Variants in RGS22 observed in about 807,000 individuals in gnomAD.
RGS22 encodes regulator of G-protein signaling 22.
RGS22 carries 148 observed loss-of-function variants against 172.9 expected under a neutral mutation model. The ratio of observed to expected loss-of-function variants is 0.86; its 90% CI spans 0.75 to 0.98. RGS22 has a LOEUF of 0.98. RGS22 is among the 50% of genes least tolerant of loss of function. The pLI, the probability that RGS22 is intolerant of heterozygous loss-of-function variation, is 0.00. For missense variants in RGS22, 1,347 were observed against 1,440.8 expected, an observed-to-expected ratio of 0.93 and a Z score of 1.05; for synonymous variants, 458 against 480.2, an observed-to-expected ratio of 0.95 and a Z score of 0.60.
chr8:99,961,085 GGA>G lies in RGS22; in HGVS notation c.*155_*156del, dbSNP rs1442103672. ...AATTTTCTTTATTTATTTCCCACCTGGAAAATCCAGAATCAAACTTTATTTAG... is the reference window on the plus strand; with the variant it reads ...AATTTTCTTTATTTATTTCCCACCTGAAATCCAGAATCAAACTTTATTTAG... On this transcript the variant is annotated 3_prime_UTR_variant, in exon 28 of 28. Transcript: ENST00000360863. The G allele has an allele frequency of 2.6e-6, 1 of 388,206 alleles. No homozygotes were observed. Among genetic ancestry groups the G allele is most frequent in the Non-Finnish European group, 5.0e-6 (1 of 199,270 alleles). 24.0% of individuals were successfully genotyped at this position (388,206 alleles called of 1,614,324 possible). A position where few individuals can be genotyped will look rare whatever the true frequency, so the allele number is the denominator to read the frequency against.
Position 100,051,519 on chromosome 8 carries a change from T to A in RGS22, c.1689+1283A>T, listed in dbSNP as rs1202847041. 5.7e-5 allele frequency among the ~76,000 whole-genome samples: 6 copies of A among 105,760 alleles called. 1 individual carries two copies. The highest frequency in any genetic ancestry group is 4.9e-4 in the East Asian group (2 of 4,080). 69.4% of individuals were successfully genotyped at this position (105,760 alleles called of 152,430 possible). On this transcript the variant is annotated intron_variant, in intron 10 of 27. Coordinates refer to ENST00000360863, the MANE Select transcript of RGS22 (RefSeq NM_015668.5). Reference sequence around the variant, plus strand: ...ATATAATAAATATATATAAATATATTTTTATATATTTATACATATATATTT... The same window carrying A: ...ATATAATAAATATATATAAATATATATTTATATATTTATACATATATATTT...
chr8:100,075,491 TA>T (rs1417870708), intron 4 of RGS22, among the ~76,000 whole-genome samples: 3 of 152,202 alleles, frequency 2.0e-5, no homozygotes, highest in Non-Finnish European at 2.9e-5. Flanking sequence ...ATAAGCCAAA[TA>T]AACCTCTTTC....
At chr8:99,962,184 A>T (rs1283731326) in intron 27 of RGS22, among the ~76,000 whole-genome samples, 1 of 152,178 alleles carries the variant, frequency 6.6e-6, no homozygotes, top group Non-Finnish European at 1.5e-5. Flanking sequence ...ACAAGGAGTA[A>T]ATAAAAGCAA....
At chr8:100,095,201 T>G (rs1812870974) in intron 2 of RGS22, among the ~76,000 whole-genome samples, 1 of 152,194 alleles carries the variant, frequency 6.6e-6, no homozygotes, top group Admixed American at 6.5e-5. Flanking sequence ...GTTTTTGTTT[T>G]GAGACAAGGT....
chr8:100,067,912 C>A (rs185701320), intron 6 of RGS22, among the ~76,000 whole-genome samples: 1 of 151,948 alleles, frequency 6.6e-6, no homozygotes, highest in Non-Finnish European at 1.5e-5. Flanking sequence ...CGTGAGCCAC[C>A]GCGCCCGGCC....
intron 19 of RGS22, among the ~76,000 whole-genome samples, chr8:99,997,286 A>C (rs1814498215): frequency 6.6e-6 from 1 of 152,062 alleles, no homozygotes; most frequent in South Asian, 2.1e-4. Flanking sequence ...ATGCTAAGTC[A>C]AGAAATGACT....
chr8:100,042,014 A>C, intron 11 of RGS22, 98 bp from the exon 12 acceptor site: 132 of 660,826 alleles, frequency 2.0e-4, no homozygotes, highest in Middle Eastern at 8.1e-4. Context: ...ACCGAATCTC[A>C]AGAGTACTTC....
At chr8:100,052,469 T>A (rs1037597998) in intron 10 of RGS22, among the ~76,000 whole-genome samples, 3 of 151,462 alleles carry the variant, frequency 2.0e-5, no homozygotes, top group Admixed American at 1.3e-4. Context: ...GCCCTGCTAA[T>A]TTTTTGTATT....
intron 9 of RGS22, among the ~76,000 whole-genome samples, chr8:100,058,171 C>CA (rs71512460): frequency 0.037 from 2,072 of 56,010 alleles, 25 homozygotes; most frequent in African/African-American, 0.057. Context: ...ACAGAGGAGA[C>CA]AAAAAAAAAA....
intron 10 of RGS22, 56 bp downstream of exon 10, chr8:100,052,746 G>T: frequency 6.9e-7 from 1 of 1,456,256 alleles, no homozygotes; most frequent in South Asian, 1.2e-5. Flanking sequence ...AAACACTCAA[G>T]CATACATATT....
Position 99,987,532 on chromosome 8 carries a change from GA to G in RGS22, c.3105del (p.Gln1036AsnfsTer6). The G allele has an allele frequency of 6.2e-7, 1 of 1,611,700 alleles. No individual in the cohort carries two copies. Among genetic ancestry groups the G allele is most frequent in the Non-Finnish European group, 8.5e-7 (1 of 1,178,798 alleles). On this transcript the variant is annotated frameshift_variant, in exon 21 of 28. Transcript: ENST00000360863. LOFTEE classifies it high-confidence loss of function. ...TCTCCTTTTAGAGCCACAAAACGTT[GA>G]AATTGTCTTGAAGTAACTGGATTCA... ...ALLNPVTSRQ[F>X]QRFVALKGDL...
chr8:100,059,886 T>TA (rs1809970294), intron 9 of RGS22, among the ~76,000 whole-genome samples: 1 of 152,150 alleles, frequency 6.6e-6, no homozygotes, highest in Non-Finnish European at 1.5e-5. Flanking sequence ...TTCTTTATTT[T>TA]AAAAAAATGG....
chr8:99,971,423 G>C lies in RGS22; in HGVS notation c.3520-5993C>G, dbSNP rs190771833. On this transcript the variant is annotated intron_variant, in intron 23 of 27. Coordinates refer to ENST00000360863, the MANE Select transcript of RGS22 (RefSeq NM_015668.5). ...AATAAAGGGTATTCAAATAGGAAGA[G>C]AGGAAGTCAAATTGTCTCTGTTTGC... 2.5e-4 allele frequency among the ~76,000 whole-genome samples: 38 copies of C among 152,298 alleles called. No individual in the cohort carries two copies. The East Asian group carries it at 6.2e-3, about 25-fold the overall frequency.
intron 14 of RGS22, among the ~76,000 whole-genome samples, chr8:100,016,595 G>A (rs1816983541): frequency 6.6e-6 from 1 of 151,986 alleles, no homozygotes. Flanking sequence ...GGCTAACATG[G>A]TGAAACCCTG....
chr8:99,966,049 T>C (rs1810695491), intron 23 of RGS22, among the ~76,000 whole-genome samples: 1 of 152,246 alleles, frequency 6.6e-6, no homozygotes, highest in Admixed American at 6.5e-5. Flanking sequence ...AAAGGTTTGC[T>C]GAATGATAAA....
At position 99,994,066 on chromosome 8, in the gene RGS22, C is replaced by G. The variant is rs180989611; in HGVS notation, c.3018+2396G>C. On this transcript the variant is annotated intron_variant, in intron 20 of 27. Coordinates refer to ENST00000360863, the MANE Select transcript of RGS22 (RefSeq NM_015668.5). ...AAAGGCCTTCAACAAATTCAGCAAC[C>G]CTTCATGCTAAAAACTCTCAATAAA... is the stretch of plus-strand genomic sequence containing the variant. Among the ~76,000 whole-genome samples, 150 of 152,202 alleles carry G rather than the reference C, an allele frequency of 9.9e-4. 1 individual carries two copies. The highest frequency in any genetic ancestry group is 1.9e-4 in the Non-Finnish European group (13 of 68,010).
intron 14 of RGS22, among the ~76,000 whole-genome samples, chr8:100,036,213 T>C (rs933320407): frequency 6.6e-6 from 1 of 151,764 alleles, no homozygotes; most frequent in Admixed American, 6.6e-5. Flanking sequence ...CAAATCTTAG[T>C]AGTGGTATAT....
At position 100,063,460 on chromosome 8, in the gene RGS22, A is replaced by G; in HGVS notation, c.1308T>C (p.Asp436=). The G allele has an allele frequency of 6.2e-7, 1 of 1,612,416 alleles. No individual in the cohort carries two copies. The highest frequency in any genetic ancestry group is 8.5e-7 in the Non-Finnish European group (1 of 1,178,980). Residue 436 remains aspartate, a synonymous_variant, in exon 8 of 28, where the codon GAT becomes GAC. Transcript: ENST00000360863. The stretch of plus-strand genomic sequence containing the variant: ...CCTTAAGAACTTTTAACCTCTCAAT[A>G]TCCATCCATAGCCACCAATATCTCT... ...LGERYWWLWM[D]IERLKVLKDP... is the part of the protein sequence containing the mutation.
At chr8:100,033,193 C>A (rs1301510242) in intron 14 of RGS22, among the ~76,000 whole-genome samples, 2 of 151,928 alleles carry the variant, frequency 1.3e-5, no homozygotes, top group Non-Finnish European at 2.9e-5. Context: ...GAGACAGAGA[C>A]ACAAAAAACC....
Sources: allele counts gnomAD v4.1 joint callset (sites outside exome capture counted in the v4.1 genomes callset), GRCh38; gene constraint gnomAD v4.1.1; transcripts MANE v1.5; gene names NCBI Gene and HGNC (gene_info 2026-07-23, HGNC 2026-07-21).